The following ASAP2 variants were observed in gnomAD, a reference collection of about 807,000 sequenced individuals.
ASAP2 encodes the protein arf-GAP with SH3 domain, ANK repeat and PH domain-containing protein 2.
A neutral mutation model predicts 131.4 loss-of-function variants in ASAP2; 45 were observed. The ratio of observed to expected loss-of-function variants is 0.34; its 90% CI spans 0.27 to 0.44. ASAP2 has a LOEUF of 0.44. Among genes scored for constraint, ASAP2 ranks in the 20% least tolerant of loss-of-function variants. The pLI, the probability that ASAP2 is intolerant of heterozygous loss-of-function variation, is 1.00. For synonymous variants in ASAP2, 510 were observed against 503.0 expected, an observed-to-expected ratio of 1.01 and a Z score of -0.19; for missense variants, 1,011 against 1,297.0, an observed-to-expected ratio of 0.78 and a Z score of 3.39.
intron 6 of ASAP2, among the ~76,000 whole-genome samples, 197 bp downstream of exon 6, chr2:9,323,447 A>G (rs1350399613): frequency 6.6e-6 from 1 of 152,232 alleles, no homozygotes; most frequent in East Asian, 1.9e-4. Context: ...TTACTTTAAC[A>G]CCAACATTTT....
chr2:9,231,527 G>A (rs182343839), intron 1 of ASAP2, among the ~76,000 whole-genome samples: 320 of 152,262 alleles, frequency 2.1e-3, no homozygotes, highest in African/African-American at 7.4e-3. Context: ...GCCACCTCCC[G>A]GAGGCCAGCT....
chr2:9,305,820 TTGG>T (rs1322488724), intron 3 of ASAP2, among the ~76,000 whole-genome samples: 1 of 148,800 alleles, frequency 6.7e-6, no homozygotes, highest in Non-Finnish European at 1.5e-5. Flanking sequence ...CGTATAGATA[TTGG>T]TGGAGGGGCT....
At chr2:9,266,514 G>A (rs1185588883) in intron 1 of ASAP2, among the ~76,000 whole-genome samples, 1 of 152,090 alleles carries the variant, frequency 6.6e-6, no homozygotes, top group East Asian at 1.9e-4. Context: ...TGCGGGTGGT[G>A]GGCGTCTGCA....
intron 9 of ASAP2, among the ~76,000 whole-genome samples, chr2:9,341,927 T>C (rs1671607886): frequency 6.6e-6 from 1 of 152,188 alleles, no homozygotes; most frequent in South Asian, 2.1e-4. Flanking sequence ...TCTGCTTGTT[T>C]CAGGGTTGGT....
intron 14 of ASAP2, among the ~76,000 whole-genome samples, chr2:9,357,354 A>C (rs565295383): frequency 1.3e-5 from 2 of 151,990 alleles, no homozygotes; most frequent in African/African-American, 2.4e-5. Flanking sequence ...TAGTGCGCAC[A>C]TGTAGTCCCA....
intron 3 of ASAP2, among the ~76,000 whole-genome samples, chr2:9,312,563 T>A (rs888796798): frequency 2.0e-5 from 3 of 152,218 alleles, no homozygotes; most frequent in African/African-American, 7.2e-5. Flanking sequence ...AATGTTCTCT[T>A]CATGGAAGTT....
chr2:9,365,387 C>G (rs1476172412), intron 15 of ASAP2, among the ~76,000 whole-genome samples: 1 of 152,184 alleles, frequency 6.6e-6, no homozygotes, highest in Non-Finnish European at 1.5e-5. Context: ...TCTGGTTTCT[C>G]TCACTTGCCT....
At chr2:9,381,868 C>T (rs560247375) in intron 20 of ASAP2, among the ~76,000 whole-genome samples, 13 of 151,944 alleles carry the variant, frequency 8.6e-5, no homozygotes, top group South Asian at 6.2e-4. Context: ...TATGCCAATG[C>T]GCACCAGCCT....
At chr2:9,241,714 T>C (rs1266971143) in intron 1 of ASAP2, among the ~76,000 whole-genome samples, 1 of 152,228 alleles carries the variant, frequency 6.6e-6, no homozygotes, top group Non-Finnish European at 1.5e-5. Flanking sequence ...GTAATTTTCC[T>C]ATTGTGGATA....
intron 1 of ASAP2, among the ~76,000 whole-genome samples, chr2:9,212,860 G>A (rs1010839918): frequency 8.5e-5 from 13 of 152,122 alleles, no homozygotes; most frequent in African/African-American, 1.7e-4. Context: ...GCATCTCCAC[G>A]TACACCACAG....
At chr2:9,301,341 T>C (rs1245447786) in intron 3 of ASAP2, among the ~76,000 whole-genome samples, 1 of 152,222 alleles carries the variant, frequency 6.6e-6, no homozygotes, top group African/African-American at 2.4e-5. Context: ...GATTCTCACC[T>C]GCAGAAGTCT....
At chr2:9,394,407 A>T (rs1420109475) in intron 24 of ASAP2, among the ~76,000 whole-genome samples, 10 of 151,922 alleles carry the variant, frequency 6.6e-5, no homozygotes, top group African/African-American at 2.4e-4. Flanking sequence ...CTCGTGATCC[A>T]CCTGCCTCGG....
Position 9,207,163 on chromosome 2 carries a change from C to T in ASAP2, c.59C>T (p.Ala20Val). The part of the protein sequence containing the change: ...FVAETHEDYK[A>V]PTASSFTTRT... ...GCCGAGACCCATGAGGACTACAAGGCGCCCACGGCCTCCAGCTTCACCACC... is the reference window on the plus strand; with the variant it reads ...GCCGAGACCCATGAGGACTACAAGGTGCCCACGGCCTCCAGCTTCACCACC... Residue 20 changes from alanine to valine, a missense_variant, in exon 1 of 28, where the codon GCG (alanine) becomes GTG (valine). Around this residue, in one of 2 missense-constraint regions of ASAP2, gnomAD observed 359 missense variants for 598.1 expected, o/e 0.60. Coordinates refer to ENST00000281419, the MANE Select transcript of ASAP2 (RefSeq NM_003887.3). The surrounding 1 kb of genome is among the most constrained non-coding windows in gnomAD (Gnocchi z 4.1). The T allele has an allele frequency of 1.2e-6, 2 of 1,605,904 alleles. No individual in the cohort carries two copies. Among genetic ancestry groups the T allele is most frequent in the Non-Finnish European group, 8.5e-7 (1 of 1,176,728 alleles).
In ASAP2 at chr2:9,302,466, T is replaced by C. The variant is rs538008762; in HGVS notation, c.345+5021T>C. 3.5e-3 allele frequency among the ~76,000 whole-genome samples: 526 copies of C among 151,820 alleles called. 2 individuals are homozygous for C. Among genetic ancestry groups the C allele is most frequent in the Non-Finnish European group, 5.5e-3 (373 of 67,918 alleles). ...GATTGCAGGCATGAGCCACCATGCC[T>C]GGCCAACTTTTTTTGTTTGTTTGTT... On this transcript the variant is annotated intron_variant, in intron 3 of 27. Transcript: ENST00000281419.
intron 7 of ASAP2, among the ~76,000 whole-genome samples, chr2:9,333,081 T>C (rs1670949906): frequency 1.3e-5 from 2 of 152,226 alleles, no homozygotes. Flanking sequence ...GCCTTCTGTG[T>C]GTGACGCATT....
intron 1 of ASAP2, among the ~76,000 whole-genome samples, chr2:9,270,658 G>A (rs1305778306): frequency 6.6e-6 from 1 of 151,380 alleles, no homozygotes; most frequent in East Asian, 1.9e-4. Context: ...TCAAATACTA[G>A]ATCTTATTCA....
At chr2:9,241,643 A>C (rs890698336) in intron 1 of ASAP2, among the ~76,000 whole-genome samples, 1 of 152,218 alleles carries the variant, frequency 6.6e-6, no homozygotes, top group African/African-American at 2.4e-5. Flanking sequence ...ACCAGGCTCA[A>C]ACAACAACAA....
chr2:9,330,443 ATTAATAC>A (rs1312548933), intron 7 of ASAP2, among the ~76,000 whole-genome samples: 6 of 152,194 alleles, frequency 3.9e-5, no homozygotes, highest in Admixed American at 3.9e-4. Flanking sequence ...ATGAGAAATT[ATTAATAC>A]TTAGTAGGTA....
At chr2:9,240,535 C>T (rs1035647656) in intron 1 of ASAP2, among the ~76,000 whole-genome samples, 15 of 152,232 alleles carry the variant, frequency 9.9e-5, no homozygotes, top group Admixed American at 6.5e-4. Context: ...TGTGAGCCAC[C>T]GTGCCCAGCC....
Sources: gnomAD v4.1 joint callset for allele counts (sites outside exome capture counted in the v4.1 genomes callset) on GRCh38, gnomAD v4.1.1 for gene constraint, gnomAD v4.1.1 regional missense constraint, Gnocchi (gnomAD v3.1) non-coding constraint, MANE v1.5 for transcripts, NCBI Gene and HGNC (gene_info 2026-07-23, HGNC 2026-07-21) for gene names.